The following AEBP2 variants were observed in gnomAD, a reference collection of about 807,000 sequenced individuals.
AEBP2 encodes the protein zinc finger protein AEBP2.
A neutral mutation model predicts 50.8 loss-of-function variants in AEBP2; 10 were observed. The observed-to-expected ratio is 0.20, with a 90% CI of 0.12 to 0.33. The LOEUF (loss-of-function observed/expected upper bound fraction) is 0.33, where lower values mean the gene tolerates loss of function less well. Among genes scored for constraint, AEBP2 ranks in the 10% least tolerant of loss-of-function variants. The probability of loss-of-function intolerance (pLI) is 1.00; values close to 1 mark genes in which losing one functional copy is unlikely to be tolerated. For synonymous variants in AEBP2, 296 were observed against 261.3 expected (o/e 1.13, Z -1.28); for missense variants, 570 against 688.0 (o/e 0.83, Z 1.92).
In AEBP2 at chr12:19,511,252, G is replaced by T. The variant is rs375761298; in HGVS notation, c.1300-1146G>T. Among the ~76,000 whole-genome samples, 5 of 152,256 alleles carry T rather than the reference G, an allele frequency of 3.3e-5. No homozygotes were observed. In the East Asian group the frequency reaches 7.7e-4, roughly 24 times the overall value. Reference sequence around the variant, plus strand: ...GTTGTGTGCCCAGCACTCTAAAATGGTATCTGAATATGATAACTGTTCTTC... The same window carrying T: ...GTTGTGTGCCCAGCACTCTAAAATGTTATCTGAATATGATAACTGTTCTTC... On this transcript the variant is annotated intron_variant, in intron 5 of 7. Transcript: ENST00000266508.
intron 1 of AEBP2, among the ~76,000 whole-genome samples, chr12:19,449,664 T>A (rs750074508): frequency 1.3e-5 from 2 of 152,200 alleles, no homozygotes; most frequent in Non-Finnish European, 2.9e-5. Flanking sequence ...TTTTTCTTGA[T>A]GATAAAAATT....
intron 3 of AEBP2, among the ~76,000 whole-genome samples, chr12:19,473,957 T>A (rs1448316062): frequency 6.6e-6 from 1 of 152,138 alleles, no homozygotes; most frequent in African/African-American, 2.4e-5. Context: ...CATGTTGGTT[T>A]TTTTTAATAC....
At position 19,462,716 on chromosome 12, in the gene AEBP2, G is replaced by T. The variant is rs1193195580; in HGVS notation, c.878G>T (p.Gly293Val). 10 of 1,576,296 alleles carry T rather than the reference G, an allele frequency of 6.3e-6. No homozygotes were observed. The highest frequency in any genetic ancestry group is 6.9e-6 in the Non-Finnish European group (8 of 1,154,960). Residue 293 changes from glycine to valine, a missense_variant and splice_region_variant, in exon 2 of 8, where the codon GGG becomes GTG. Gly to Val is a moderately radical substitution (Grantham distance 109). Around this residue, in one of 2 missense-constraint regions of AEBP2, gnomAD observed 184 missense variants for 351.2 expected, o/e 0.52. Transcript: ENST00000266508. ...ATACATGTAGATGGTCAGCGAGGAG[G>T]GGTTGGTTTTGTCATTTCTTTTTTT... is the stretch of plus-strand genomic sequence containing the variant. ...RSIHVDGQRG[G>V]VFVCLWKGCK...
intron 1 of AEBP2, among the ~76,000 whole-genome samples, chr12:19,442,789 C>T (rs1320976135): frequency 6.6e-6 from 1 of 152,020 alleles, no homozygotes; most frequent in Non-Finnish European, 1.5e-5. Context: ...TCTGAAACAT[C>T]TTCTTGTTGC....
intron 4 of AEBP2, among the ~76,000 whole-genome samples, chr12:19,497,793 A>G (rs569388040): frequency 6.6e-6 from 1 of 152,278 alleles, no homozygotes; most frequent in South Asian, 2.1e-4. Flanking sequence ...TTTTGATTAT[A>G]TATCTTATTA....
upstream of AEBP2, among the ~76,000 whole-genome samples, chr12:19,439,468 C>T (rs1947899211): frequency 6.6e-6 from 1 of 151,452 alleles, no homozygotes; most frequent in Non-Finnish European, 1.5e-5. Context: ...GGTGCTGCCT[C>T]GTGCCGCCGC....
intron 5 of AEBP2, among the ~76,000 whole-genome samples, chr12:19,504,380 G>GCCC (rs55796210): frequency 1.5e-4 from 22 of 149,476 alleles, no homozygotes; most frequent in African/African-American, 3.0e-4. Context: ...GAATACAGGC[G>GCCC]CCCCCCCCAC....
intron 2 of AEBP2, among the ~76,000 whole-genome samples, chr12:19,469,910 A>C (rs1194209764): frequency 6.6e-6 from 1 of 152,180 alleles, no homozygotes; most frequent in African/African-American, 2.4e-5. Context: ...TCTTGAACAT[A>C]CTTCTTCCAA....
intron 2 of AEBP2, among the ~76,000 whole-genome samples, chr12:19,463,775 C>T (rs931761647): frequency 6.8e-6 from 1 of 147,234 alleles, no homozygotes; most frequent in African/African-American, 2.5e-5. Context: ...AAGTGATTCT[C>T]CTGCCTCAGC....
chr12:19,442,537 A>G (rs562266876), intron 1 of AEBP2, among the ~76,000 whole-genome samples: 30 of 152,342 alleles, frequency 2.0e-4, no homozygotes, highest in Admixed American at 5.2e-4. Context: ...TTTGACATTA[A>G]TGAGATATTT....
chr12:19,483,778 C>G (rs1346871227), intron 3 of AEBP2, among the ~76,000 whole-genome samples: 1 of 152,092 alleles, frequency 6.6e-6, no homozygotes, highest in African/African-American at 2.4e-5. Context: ...TGCTTCTTGT[C>G]TTATTGTTAC....
chr12:19,503,107 C>CT (rs1272009753), intron 5 of AEBP2, among the ~76,000 whole-genome samples: 3 of 152,074 alleles, frequency 2.0e-5, no homozygotes, highest in African/African-American at 7.2e-5. Flanking sequence ...TTTTAGAATA[C>CT]TTTTTTGTAA....
intron 1 of AEBP2, among the ~76,000 whole-genome samples, chr12:19,443,031 GGTTACGTTGTGCTTTTTA>G (rs751906882): frequency 1.3e-5 from 2 of 151,768 alleles, no homozygotes; most frequent in Non-Finnish European, 2.9e-5. Context: ...CCATCGTTTT[GGTTACGTTGTGCTTTTTA>G]GTTTATCTGA....
chr12:19,416,877 CTTT>C (rs60880618), intron 1 of AEBP2, among the ~76,000 whole-genome samples: 1 of 137,102 alleles, frequency 7.3e-6, no homozygotes, highest in Non-Finnish European at 1.6e-5. Context: ...TTTCTTTTTT[CTTT>C]TTTTTTTTTG....
At chr12:19,492,603 AATTT>A (rs1948911002) in intron 3 of AEBP2, among the ~76,000 whole-genome samples, 1 of 151,934 alleles carries the variant, frequency 6.6e-6, no homozygotes, top group Admixed American at 6.6e-5. Context: ...AAATAAAAAA[AATTT>A]ATTTATTTTT....
chr12:19,512,369 T>A, intron 5 of AEBP2, 29 bp from the exon 6 acceptor site: 1 of 1,436,018 alleles, frequency 7.0e-7, no homozygotes, highest in South Asian at 1.3e-5. Context: ...ACACATTGTT[T>A]TTATGATTTC....
At chr12:19,440,564 T>C in intron 1 of AEBP2, 194 bp downstream of exon 1, 1 of 1,402,252 alleles carries the variant, frequency 7.1e-7, no homozygotes, top group Non-Finnish European at 9.3e-7. Context: ...CTTCCAACTC[T>C]CAAACCGTTC....
intron 1 of AEBP2, among the ~76,000 whole-genome samples, chr12:19,449,982 G>T (rs973875188): frequency 1.3e-5 from 2 of 152,274 alleles, no homozygotes; most frequent in East Asian, 1.9e-4. Flanking sequence ...AATAAGAAGG[G>T]CCTTAGGGAA....
intron 3 of AEBP2, among the ~76,000 whole-genome samples, chr12:19,474,918 G>A (rs1170184867): frequency 5.3e-5 from 8 of 151,916 alleles, no homozygotes; most frequent in South Asian, 2.1e-4. Context: ...TCAGCCTCCC[G>A]AGTAGCTGGG....
Sources: gnomAD v4.1 joint callset for allele counts (sites outside exome capture counted in the v4.1 genomes callset) on GRCh38, gnomAD v4.1.1 for gene constraint, gnomAD v4.1.1 regional missense constraint, MANE v1.5 for transcripts, NCBI Gene and HGNC (gene_info 2026-07-23, HGNC 2026-07-21) for gene names.